Variants in MALRD1 observed in about 807,000 individuals in gnomAD.
MALRD1 encodes MAM and LDL receptor class A domain containing 1, also known as MAM and LDL-receptor class A domain-containing protein 1.
In MALRD1, 247 loss-of-function variants were observed where a neutral mutation model predicts 242.1. That is an observed-to-expected ratio of 1.02 (90% CI 0.92 to 1.13). The LOEUF (loss-of-function observed/expected upper bound fraction) is 1.13. MALRD1 is among the 50% of genes most tolerant of loss of function. The probability of loss-of-function intolerance (pLI) is 0.00; values close to 1 mark genes in which losing one functional copy is unlikely to be tolerated. For synonymous variants in MALRD1, 995 were observed against 866.6 expected, an observed-to-expected ratio of 1.15 and a Z score of -2.60; for missense variants, 2,989 against 2,533.1, an observed-to-expected ratio of 1.18 and a Z score of -3.86.
intron 29 of MALRD1, among the ~76,000 whole-genome samples, chr10:19,467,695 C>CTTTT (rs113515328): frequency 2.7e-5 from 4 of 149,684 alleles, no homozygotes; most frequent in African/African-American, 7.4e-5. Flanking sequence ...GCTTTTTTGG[C>CTTTT]TTTTTTTTGT....
intron 23 of MALRD1, among the ~76,000 whole-genome samples, chr10:19,329,239 G>T (rs1037176735): frequency 2.6e-5 from 4 of 152,118 alleles, no homozygotes; most frequent in Non-Finnish European, 4.4e-5. Context: ...CACCATGCAC[G>T]AGAGAGACAG....
At chr10:19,099,462 T>C (rs1048731940) in intron 4 of MALRD1, among the ~76,000 whole-genome samples, 3 of 152,254 alleles carry the variant, frequency 2.0e-5, no homozygotes, top group Admixed American at 2.0e-4. Flanking sequence ...CTTAAAATGT[T>C]TGGGGTGAAA....
chr10:19,128,155 A>G (rs1053032914), intron 7 of MALRD1, 66 bp from the exon 8 acceptor site: 2 of 1,115,294 alleles, frequency 1.8e-6, no homozygotes, highest in Non-Finnish European at 2.3e-6. Flanking sequence ...GAAATGTAAT[A>G]GTTTTAGTCA....
At chr10:19,131,233 A>G (rs906835412) in intron 8 of MALRD1, among the ~76,000 whole-genome samples, 7 of 152,196 alleles carry the variant, frequency 4.6e-5, no homozygotes, top group African/African-American at 7.2e-5. Flanking sequence ...TTCCATGAAT[A>G]GAATGCTGTT....
At chr10:19,155,020 C>T (rs1834087944) in intron 11 of MALRD1, 55 bp from the exon 12 acceptor site, 3 of 979,990 alleles carry the variant, frequency 3.1e-6, no homozygotes, top group Non-Finnish European at 4.0e-6. Context: ...GAGCAAAGAA[C>T]AGCTAAGTGT....
chr10:19,679,151 A>G (rs1842260354), intron 36 of MALRD1, among the ~76,000 whole-genome samples: 1 of 152,196 alleles, frequency 6.6e-6, no homozygotes, highest in Admixed American at 6.5e-5. Context: ...AGGTTTTGGT[A>G]TCAGGATGAT....
intron 28 of MALRD1, among the ~76,000 whole-genome samples, chr10:19,445,975 A>G (rs1834952296): frequency 6.6e-6 from 1 of 151,922 alleles, no homozygotes; most frequent in Non-Finnish European, 1.5e-5. Flanking sequence ...CGCTTTGTTT[A>G]CCTACTCAAG....
intron 31 of MALRD1, among the ~76,000 whole-genome samples, chr10:19,501,021 A>G (rs375422911): frequency 6.6e-6 from 1 of 152,206 alleles, no homozygotes; most frequent in Non-Finnish European, 1.5e-5. Context: ...AATGGAGTAC[A>G]TAGGAGTGTG....
intron 34 of MALRD1, among the ~76,000 whole-genome samples, chr10:19,600,818 C>T (rs1357172043): frequency 6.6e-6 from 1 of 152,132 alleles, no homozygotes; most frequent in East Asian, 1.9e-4. Context: ...CCCTGTGTTA[C>T]TTAGCCTATT....
rs1443738812 is a variant in MALRD1, at chr10:19,571,354, G to C, written c.5680+3651G>C. On this transcript the variant is annotated intron_variant, in intron 33 of 39. Transcript: ENST00000454679. ...AAATAGCAGCCAACGAAGTCAGACAGAATTTTTAGATGTTCAAGAAGGAAA... is the reference window on the plus strand; with the variant it reads ...AAATAGCAGCCAACGAAGTCAGACACAATTTTTAGATGTTCAAGAAGGAAA... 3.3e-5 allele frequency among the ~76,000 whole-genome samples: 5 copies of C among 151,782 alleles called. No homozygotes were observed. In the East Asian group the frequency reaches 9.7e-4, roughly 29 times the overall value.
At position 19,048,813 on chromosome 10, in the gene MALRD1, A is replaced by G. The variant is rs1205413851; in HGVS notation, c.-126A>G. 1.4e-5 allele frequency: 9 copies of G among 638,414 alleles called. No individual in the cohort carries two copies. The highest frequency in any genetic ancestry group is 6.9e-5 in the East Asian group (2 of 29,048). The allele number at this position is 638,414 out of a possible 1,614,324, so 39.5% of individuals were successfully genotyped here. On this transcript the variant is annotated 5_prime_UTR_variant, in exon 1 of 40. In the 5' UTR this introduces an upstream ATG that the reference lacks. Transcript: ENST00000454679. ...GGAGTAATTTGTTAGAGTTGCAGAT[A>G]GTTACCAATAGTATCCAGTTATAAG...
At chr10:19,702,896 A>C (rs1478593343) in intron 38 of MALRD1, among the ~76,000 whole-genome samples, 1 of 152,198 alleles carries the variant, frequency 6.6e-6, no homozygotes, top group Non-Finnish European at 1.5e-5. Context: ...AGAGGACTTC[A>C]ATAACTTGAA....
intron 19 of MALRD1, among the ~76,000 whole-genome samples, chr10:19,264,848 G>A (rs1006562054): frequency 1.3e-5 from 2 of 152,126 alleles, no homozygotes; most frequent in Non-Finnish European, 2.9e-5. Flanking sequence ...TAAATGTTTG[G>A]TGGAATTTAG....
intron 11 of MALRD1, among the ~76,000 whole-genome samples, chr10:19,149,342 A>G (rs934803128): frequency 6.6e-6 from 1 of 151,822 alleles, no homozygotes; most frequent in Non-Finnish European, 1.5e-5. Context: ...CAGGCTGGAT[A>G]TGTTGATATT....
At chr10:19,413,641 A>C (rs542778996) in intron 28 of MALRD1, among the ~76,000 whole-genome samples, 10 of 151,866 alleles carry the variant, frequency 6.6e-5, no homozygotes, top group African/African-American at 2.4e-4. Flanking sequence ...ATTATTCTCT[A>C]GTTTCTCCTT....
At chr10:19,199,171 G>GA (rs113163794) in intron 14 of MALRD1, among the ~76,000 whole-genome samples, 21,320 of 151,338 alleles carry the variant, frequency 0.14, 1,580 homozygotes, top group Middle Eastern at 0.2. Context: ...AAATCTAGAG[G>GA]AAAAAAAAAT....
At position 19,401,393 on chromosome 10, in the gene MALRD1, A is replaced by G. The variant is rs1376398612; in HGVS notation, c.4845+11784A>G. Among the ~76,000 whole-genome samples the G allele has an allele frequency of 2.0e-5, 3 of 152,290 alleles. No homozygotes were observed. The East Asian group carries it at 5.8e-4, about 29-fold the overall frequency. ...TATTTAAATTAAATGTTATGTACCA[A>G]ATTATATATGGAAATTAGCAGTTTG... On this transcript the variant is annotated intron_variant, in intron 28 of 39. Transcript: ENST00000454679.
chr10:19,088,599 A>AAT (rs1835771741), intron 4 of MALRD1, among the ~76,000 whole-genome samples: 2 of 29,396 alleles, frequency 6.8e-5, no homozygotes, highest in African/African-American at 1.4e-4. Flanking sequence ...ATTTTTTTTT[A>AAT]TTATACTCTA....
chr10:19,608,836 G>T (rs1202988595), intron 35 of MALRD1, among the ~76,000 whole-genome samples: 1 of 152,012 alleles, frequency 6.6e-6, no homozygotes, highest in African/African-American at 2.4e-5. Flanking sequence ...AAAGTGACCA[G>T]ATCTGGCCCC....
Sources: allele counts gnomAD v4.1 joint callset (sites outside exome capture counted in the v4.1 genomes callset), GRCh38; gene constraint gnomAD v4.1.1; transcripts MANE v1.5; gene names NCBI Gene and HGNC (gene_info 2026-07-23, HGNC 2026-07-21).